The following SLC25A26 variants were observed in gnomAD, a reference collection of about 807,000 sequenced individuals.
SLC25A26 encodes the protein solute carrier family 25 member 26.
In SLC25A26, 36 loss-of-function variants were observed where a neutral mutation model predicts 37.8. The observed-to-expected ratio is 0.95, with a 90% confidence interval of 0.73 to 1.26. The LOEUF is 1.26. SLC25A26 is among the 50% of genes most tolerant of loss of function. The pLI is 0.00. For synonymous variants in SLC25A26, 129 were observed against 122.5 expected (o/e 1.05, Z -0.35); for missense variants, 390 against 331.1 (o/e 1.18, Z -1.38).
At chr3:66,299,577 G>A (rs926187482) in intron 5 of SLC25A26, among the ~76,000 whole-genome samples, 5 of 152,054 alleles carry the variant, frequency 3.3e-5, no homozygotes, top group East Asian at 1.9e-4. Flanking sequence ...ACACAGTTCC[G>A]TAGTCCATAT....
intron 1 of SLC25A26, among the ~76,000 whole-genome samples, chr3:66,195,319 T>C (rs1447092608): frequency 6.6e-6 from 1 of 152,208 alleles, no homozygotes; most frequent in African/African-American, 2.4e-5. Context: ...TGCCCAACTA[T>C]TGAGCATGCA....
Position 66,153,483 on chromosome 3 carries a change from C to G in SLC25A26, c.-354+19499C>G, listed in dbSNP as rs374484335. 1.9e-4 allele frequency among the ~76,000 whole-genome samples: 29 copies of G among 152,322 alleles called. No homozygotes were observed. The South Asian group carries it at 5.6e-3, about 29-fold the overall frequency. On this transcript the variant is annotated intron_variant, in intron 1 of 10. Transcript: ENST00000676754. ...CTCCCTGAAGTATAGATTCTTCCAGCCTGGAGTGGGGTCCAGTCATCTAGA... is the reference window on the plus strand; with the variant it reads ...CTCCCTGAAGTATAGATTCTTCCAGGCTGGAGTGGGGTCCAGTCATCTAGA...
intron 1 of SLC25A26, among the ~76,000 whole-genome samples, chr3:66,200,236 C>T (rs1004014759): frequency 6.6e-6 from 1 of 152,216 alleles, no homozygotes; most frequent in African/African-American, 2.4e-5. Flanking sequence ...CTGATTCTAG[C>T]ACCCTAAAAG....
chr3:66,149,940 C>T (rs2070175343), intron 1 of SLC25A26, among the ~76,000 whole-genome samples: 2 of 152,146 alleles, frequency 1.3e-5, no homozygotes, highest in Admixed American at 6.5e-5. Context: ...GGTCATATGA[C>T]AGAGTCCATG....
chr3:66,337,295 G>C (rs1434936731), intron 5 of SLC25A26, among the ~76,000 whole-genome samples: 1 of 152,000 alleles, frequency 6.6e-6, no homozygotes, highest in African/African-American at 2.4e-5. Context: ...GTTAACGCTT[G>C]GTCTTAGCCT....
intron 6 of SLC25A26, among the ~76,000 whole-genome samples, chr3:66,347,508 G>A (rs994183946): frequency 1.3e-5 from 2 of 152,134 alleles, no homozygotes; most frequent in African/African-American, 4.8e-5. Context: ...AAAAAGGAAC[G>A]CTTTTACACT....
intron 1 of SLC25A26, among the ~76,000 whole-genome samples, chr3:66,186,107 A>G (rs1230191476): frequency 2.0e-5 from 3 of 151,840 alleles, no homozygotes; most frequent in African/African-American, 7.3e-5. Flanking sequence ...CCTGATGCAT[A>G]CCTGACCCTA....
At chr3:66,250,102 A>G (rs2073022314) in intron 3 of SLC25A26, among the ~76,000 whole-genome samples, 1 of 152,248 alleles carries the variant, frequency 6.6e-6, no homozygotes, top group Non-Finnish European at 1.5e-5. Flanking sequence ...ACAAAAAATT[A>G]TCTCAACCAT....
chr3:66,304,633 G>C (rs2107574129), intron 5 of SLC25A26: 1 of 318,346 alleles, frequency 3.1e-6, no homozygotes, highest in Middle Eastern at 4.0e-4. Flanking sequence ...GAGGTGTCAG[G>C]CATTGAGGAT....
chr3:66,354,026 A>G (rs1044087056), intron 6 of SLC25A26, among the ~76,000 whole-genome samples: 12 of 152,230 alleles, frequency 7.9e-5, no homozygotes, highest in Non-Finnish European at 5.9e-5. Flanking sequence ...TTATTTGTAC[A>G]TTCTTTTAAA....
chr3:66,167,794 A>G lies in SLC25A26; in HGVS notation c.-354+33810A>G, dbSNP rs181263483. On this transcript the variant is annotated intron_variant, in intron 1 of 10. Transcript: ENST00000676754. ...TTAAGCTAATGCATTTCATCTAGTAAATTTCTCAATAAACTAGATAATAAA... is the reference window on the plus strand; with the variant it reads ...TTAAGCTAATGCATTTCATCTAGTAGATTTCTCAATAAACTAGATAATAAA... Among the ~76,000 whole-genome samples, 8 of 152,222 alleles carry G rather than the reference A, an allele frequency of 5.3e-5. No homozygotes were observed. In the East Asian group the frequency reaches 1.4e-3, roughly 26 times the overall value.
At chr3:66,337,717 C>T (rs939425641) in intron 5 of SLC25A26, among the ~76,000 whole-genome samples, 3 of 151,934 alleles carry the variant, frequency 2.0e-5, no homozygotes, top group African/African-American at 7.2e-5. Context: ...TCATGCTTTA[C>T]ACATACACTT....
At chr3:66,295,050 G>C (rs2074851455) in intron 5 of SLC25A26, among the ~76,000 whole-genome samples, 1 of 152,106 alleles carries the variant, frequency 6.6e-6, no homozygotes, top group South Asian at 2.1e-4. Context: ...GTTGGATACA[G>C]AATAAAAAAA....
In SLC25A26 at chr3:66,335,352, T is replaced by G. The variant is rs144568137; in HGVS notation, c.454-11012T>G. Among the ~76,000 whole-genome samples the G allele has an allele frequency of 1.2e-4, 18 of 152,360 alleles. No homozygotes were observed. The East Asian group carries it at 3.5e-3, about 29-fold the overall frequency. ...AATTCCTGGGATGTGTATCTGTGCA[T>G]ATTTATCTGGCCTGTTGGATTAACT... On this transcript the variant is annotated intron_variant, in intron 5 of 9. Transcript: ENST00000354883.
intron 1 of SLC25A26, among the ~76,000 whole-genome samples, chr3:66,174,653 G>A (rs1038025603): frequency 1.3e-5 from 2 of 152,074 alleles, no homozygotes; most frequent in Non-Finnish European, 2.9e-5. Context: ...GGGCATGGTG[G>A]CGGGCGCCTG....
chr3:66,254,420 C>T (rs528679512), intron 3 of SLC25A26, among the ~76,000 whole-genome samples: 1 of 152,278 alleles, frequency 6.6e-6, no homozygotes, highest in South Asian at 2.1e-4. Flanking sequence ...GGGGTCTCTC[C>T]CTGACCCCCT....
At chr3:66,356,738 G>A (rs985587030) in intron 6 of SLC25A26, among the ~76,000 whole-genome samples, 1 of 152,066 alleles carries the variant, frequency 6.6e-6, no homozygotes, top group Admixed American at 6.6e-5. Context: ...AAGCAATCCT[G>A]CTGCCTCAGC....
chr3:66,356,672 A>G (rs2076583573), intron 6 of SLC25A26, among the ~76,000 whole-genome samples: 1 of 152,202 alleles, frequency 6.6e-6, no homozygotes, highest in South Asian at 2.1e-4. Flanking sequence ...TCTGTCACCC[A>G]GGCTGGATTG....
intron 3 of SLC25A26, among the ~76,000 whole-genome samples, chr3:66,259,223 T>G (rs2073426631): frequency 6.6e-6 from 1 of 152,232 alleles, no homozygotes; most frequent in Non-Finnish European, 1.5e-5. Flanking sequence ...TGCTTGCTCT[T>G]TAGAAATTTA....
Sources: gnomAD v4.1 joint callset for allele counts (sites outside exome capture counted in the v4.1 genomes callset) on GRCh38, gnomAD v4.1.1 for gene constraint, MANE v1.5 for transcripts, NCBI Gene and HGNC (gene_info 2026-07-23, HGNC 2026-07-21) for gene names.